The following IPO13 variants were observed in gnomAD, a reference collection of about 807,000 sequenced individuals.
IPO13 encodes the protein importin 13.
In IPO13, 28 loss-of-function variants were observed where a neutral mutation model predicts 115.5. That is an observed-to-expected ratio of 0.24 (90% confidence interval 0.18 to 0.33). The LOEUF (loss-of-function observed/expected upper bound fraction) is 0.33. IPO13 is among the 10% of genes least tolerant of loss of function. The probability of loss-of-function intolerance (pLI) is 1.00; values close to 1 mark genes in which losing one functional copy is unlikely to be tolerated. For missense variants in IPO13, 785 were observed against 1,204.6 expected (o/e 0.65, Z 5.16); for synonymous variants, 414 against 478.9 (o/e 0.86, Z 1.77).
intron 14 of IPO13, 27 bp downstream of exon 14, chr1:43,961,289 C>T (rs772146509): frequency 8.4e-5 from 129 of 1,541,964 alleles, no homozygotes; most frequent in Non-Finnish European, 1.1e-4. Flanking sequence ...GTCTCTGCTG[C>T]TGCTGCCACT....
chr1:43,953,731 A>G (rs2085224762), intron 2 of IPO13, among the ~76,000 whole-genome samples: 2 of 151,990 alleles, frequency 1.3e-5, no homozygotes, highest in South Asian at 4.1e-4. Context: ...TTTTTCCTGA[A>G]CTATGTTTTT....
rs1458944890 is a variant in IPO13, at chr1:43,967,990, C to T, written c.*308C>T. The stretch of plus-strand genomic sequence containing the variant: ...GGTGGTTGCAGTAGTGTCATCAACC[C>T]CCCCATCCCCATTAAATTAATCCCA... On this transcript the variant is annotated 3_prime_UTR_variant, in exon 20 of 20. Coordinates refer to ENST00000372343, the MANE Select transcript of IPO13 (RefSeq NM_014652.4). This position sits in a 1 kb window ranked among gnomAD's most constrained non-coding sequence, Gnocchi z 6.1. The T allele has an allele frequency of 4.1e-6, 2 of 484,180 alleles. No individual in the cohort carries two copies. Among genetic ancestry groups the T allele is most frequent in the Non-Finnish European group, 7.5e-6 (2 of 267,072 alleles). 30.0% of individuals were successfully genotyped at this position (484,180 alleles called of 1,614,324 possible).
chr1:43,948,214 T>C (rs1483170764), intron 1 of IPO13, among the ~76,000 whole-genome samples: 4 of 152,214 alleles, frequency 2.6e-5, no homozygotes, highest in Non-Finnish European at 4.4e-5. Context: ...CCCTTTGTTT[T>C]GTGCTGAGTC....
chr1:43,965,465 C>T (rs759025863), intron 15 of IPO13, among the ~76,000 whole-genome samples: 1 of 151,834 alleles, frequency 6.6e-6, no homozygotes, highest in African/African-American at 2.4e-5. Flanking sequence ...AGGGAGTGTT[C>T]TGGGCCTGGA....
In IPO13 at chr1:43,957,131, G is replaced by A; in HGVS notation, c.1272-64G>A. On this transcript the variant is annotated intron_variant, in intron 5 of 19. Transcript: ENST00000372343. The stretch of plus-strand genomic sequence containing the variant: ...GTGGGGGTACTGGGGTAGGCTCCTG[G>A]GCTTGGGGGCAGGATCCAGGGTCAG... The A allele has an allele frequency of 2.5e-6, 4 of 1,590,954 alleles. No individual in the cohort carries two copies. The South Asian group carries it at 4.5e-5, about 18-fold the overall frequency.
intron 15 of IPO13, among the ~76,000 whole-genome samples, chr1:43,965,731 G>A (rs1167971920): frequency 1.3e-5 from 2 of 150,788 alleles, no homozygotes; most frequent in Non-Finnish European, 3.0e-5. Flanking sequence ...TCAAGTGATG[G>A]TGCATGTGGG....
Position 43,956,879 on chromosome 1 carries a change from C to A in IPO13, c.1174C>A (p.Gln392Lys). Residue 392 changes from glutamine (Q) to lysine (K), a missense_variant, in exon 5 of 20, where the codon CAG becomes AAG. Transcript: ENST00000372343. The surrounding 1 kb of genome is among the most constrained non-coding windows in gnomAD (Gnocchi z 4.7). ...YQQVYRPVYF[Q>K]LVDVLLHKAQ... ...GCAGGTGTACCGGCCAGTCTACTTC[C>A]AGCTGGTGGATGTGCTTCTGCACAA... is the stretch of plus-strand genomic sequence containing the variant. 4.3e-6 allele frequency: 7 copies of A among 1,614,234 alleles called. No homozygotes were observed. Among genetic ancestry groups the A allele is most frequent in the Non-Finnish European group, 5.9e-6 (7 of 1,180,030 alleles).
chr1:43,957,664 T>G, intron 7 of IPO13, 115 bp downstream of exon 7: 2 of 1,297,342 alleles, frequency 1.5e-6, no homozygotes, highest in Non-Finnish European at 2.2e-6. Flanking sequence ...CTACACACAA[T>G]CAGTGTTGTA....
intron 1 of IPO13, among the ~76,000 whole-genome samples, chr1:43,947,897 C>G (rs566333692): frequency 6.6e-6 from 1 of 152,348 alleles, no homozygotes; most frequent in Non-Finnish European, 1.5e-5. Flanking sequence ...GATAGATACT[C>G]TAGGGTCTTG....
At chr1:43,957,157 G>A (rs2085256569) in intron 5 of IPO13, 38 bp from the exon 6 acceptor site, 1 of 1,606,012 alleles carries the variant, frequency 6.2e-7, no homozygotes, top group African/African-American at 1.3e-5. Context: ...CCAGGGTCAG[G>A]ATCCAGGCAG....
At chr1:43,962,095 A>G (rs1043394879) in intron 14 of IPO13, among the ~76,000 whole-genome samples, 4 of 151,624 alleles carry the variant, frequency 2.6e-5, no homozygotes, top group African/African-American at 9.7e-5. Context: ...TGCCCAGAGT[A>G]CTCGCAGCTC....
chr1:43,947,938 C>T (rs535361849), intron 1 of IPO13, among the ~76,000 whole-genome samples: 3 of 152,336 alleles, frequency 2.0e-5, no homozygotes, highest in South Asian at 2.1e-4. Context: ...TGTGACTTAG[C>T]CTTCCGTCCA....
At chr1:43,959,207 T>G (rs4660758) in intron 11 of IPO13, among the ~76,000 whole-genome samples, 95,303 of 152,092 alleles carry the variant, frequency 0.63, 33,220 homozygotes, top group Non-Finnish European at 0.79. Flanking sequence ...CTTAAGTGAT[T>G]TTATGGGCCC....
intron 2 of IPO13, 22 bp downstream of exon 2, chr1:43,950,175 C>A: frequency 1.3e-6 from 2 of 1,576,624 alleles, no homozygotes; most frequent in South Asian, 2.3e-5. Context: ...CCCACTCACC[C>A]AGAAGACAAC....
At position 43,958,465 on chromosome 1, in the gene IPO13, G is replaced by C; in HGVS notation, c.1754G>C (p.Ser585Thr). The change falls in exon 10 of 20, where the codon AGC becomes ACC. Residue 585 changes from serine to threonine, a missense_variant. By Grantham distance (58) the Ser-to-Thr change is moderately conservative (BLOSUM62 1). This residue lies in a region of IPO13 where 175 missense variants were observed against 360.0 expected (regional missense o/e 0.49). Transcript: ENST00000372343. This position sits in a 1 kb window ranked among gnomAD's most constrained non-coding sequence, Gnocchi z 6.3. ...CATCCATGTTCTGCCCCACAGACAA[G>C]CCAGTGCATGTGGCTGATGCAGGCG... ...DVLMKQIHKT[S>T]QCMWLMQALG... 1.2e-6 allele frequency: 2 copies of C among 1,614,028 alleles called. No individual in the cohort carries two copies. Among genetic ancestry groups the C allele is most frequent in the Non-Finnish European group, 1.7e-6 (2 of 1,180,000 alleles).
chr1:43,967,638 C>G lies in IPO13; in HGVS notation c.2848C>G (p.Leu950Val), dbSNP rs1055417799. The G allele has an allele frequency of 6.2e-7, 1 of 1,614,118 alleles. No homozygotes were observed. The highest frequency in any genetic ancestry group is 1.3e-5 in the African/African-American group (1 of 74,948). ...GGAGATGGTGAAGGAGTTCACACTG[C>G]TGTGCCGGGGTCTCCATGGCACAGA... The part of the protein sequence containing the change: ...VKEMVKEFTL[L>V]CRGLHGTDYT... Residue 950 changes from leucine (L) to valine (V), a missense_variant, in exon 20 of 20, where the codon CTG (leucine) becomes GTG (valine). This residue lies in a region of IPO13 where 285 missense variants were observed against 394.8 expected (regional missense o/e 0.72). Coordinates refer to ENST00000372343, the MANE Select transcript of IPO13 (RefSeq NM_014652.4). This position sits in a 1 kb window ranked among gnomAD's most constrained non-coding sequence, Gnocchi z 6.1.
At chr1:43,949,283 G>A (rs1249220531) in intron 1 of IPO13, 134 bp from the exon 2 acceptor site, 2 of 891,924 alleles carry the variant, frequency 2.2e-6, no homozygotes, top group Non-Finnish European at 3.3e-6. Flanking sequence ...ACACTGCAGA[G>A]CGCTGAGCTC....
At position 43,967,608 on chromosome 1, in the gene IPO13, G is replaced by C; in HGVS notation, c.2818G>C (p.Val940Leu). Reference protein sequence around the residue: ...ILRERVNKRRVKEMVKEFTLL... With the variant: ...ILRERVNKRRLKEMVKEFTLL... ...CAGCGAGCGAGTGAACAAGAGGCGG[G>C]TGAAGGAGATGGTGAAGGAGTTCAC... Residue 940 changes from valine (V) to leucine (L), a missense_variant, in exon 20 of 20, where the codon GTG (valine) becomes CTG (leucine). Physicochemically the swap from Val to Leu is conservative, Grantham distance 32. Coordinates refer to ENST00000372343, the MANE Select transcript of IPO13 (RefSeq NM_014652.4). The surrounding 1 kb of genome is among the most constrained non-coding windows in gnomAD (Gnocchi z 6.1). 6.2e-7 allele frequency: 1 copy of C among 1,614,216 alleles called. No individual in the cohort carries two copies. The highest frequency in any genetic ancestry group is 8.5e-7 in the Non-Finnish European group (1 of 1,180,036).
chr1:43,956,790 C>A lies in IPO13; in HGVS notation c.1105-20C>A. The A allele has an allele frequency of 6.2e-7, 1 of 1,613,776 alleles. No individual in the cohort carries two copies. The highest frequency in any genetic ancestry group is 8.5e-7 in the Non-Finnish European group (1 of 1,179,768). On this transcript the variant is annotated intron_variant, in intron 4 of 19. Transcript: ENST00000372343. The surrounding 1 kb of genome is among the most constrained non-coding windows in gnomAD (Gnocchi z 4.7). ...ATGACTGCTGGTGAGGTGGCTAATT[C>A]TCTTCCCTGGCTCTCTCAGGATGAT...
Sources: allele counts gnomAD v4.1 joint callset (sites outside exome capture counted in the v4.1 genomes callset), GRCh38; gene constraint gnomAD v4.1.1; regional missense constraint gnomAD v4.1.1; non-coding constraint Gnocchi (gnomAD v3.1); transcripts MANE v1.5; gene names NCBI Gene and HGNC (gene_info 2026-07-23, HGNC 2026-07-21).